Variants in CHD8 observed in about 807,000 individuals in gnomAD.
The protein encoded by CHD8 is ATP-dependent chromatin remodeler CHD8.
Under a neutral mutation model 279.2 loss-of-function variants are expected in CHD8, and 31 were observed. That is an observed-to-expected ratio of 0.11 (90% CI 0.08 to 0.15). The LOEUF (loss-of-function observed/expected upper bound fraction) is 0.15. CHD8 is among the 10% of genes least tolerant of loss of function. The pLI, the probability that CHD8 is intolerant of heterozygous loss-of-function variation, is 1.00. For missense variants in CHD8, 2,146 were observed against 3,230.5 expected (o/e 0.66, Z 8.14); for synonymous variants, 1,081 against 1,139.6 (o/e 0.95, Z 1.04).
At chr14:21,414,159 G>C in intron 9 of CHD8, 142 bp downstream of exon 9, 1 of 600,124 alleles carries the variant, frequency 1.7e-6, no homozygotes, top group Non-Finnish European at 3.0e-6. Flanking sequence ...GTTAAGTAAG[G>C]GAAGTCAATG....
chr14:21,419,807 CA>C, intron 5 of CHD8: 2 of 374,770 alleles, frequency 5.3e-6, no homozygotes, highest in Non-Finnish European at 1.1e-5. Flanking sequence ...CACCCATGAC[CA>C]AAACATCCCC....
Position 21,427,928 on chromosome 14 carries a change from C to T in CHD8, c.1542G>A (p.Glu514=), listed in dbSNP as rs1423867231. 6.2e-7 allele frequency: 1 copy of T among 1,614,074 alleles called. No individual in the cohort carries two copies. Among genetic ancestry groups the T allele is most frequent in the Admixed American group, 1.7e-5 (1 of 60,028 alleles). The change falls in exon 4 of 38, where the codon GAG becomes GAA. Residue 514 remains glutamate (E), a synonymous_variant. Coordinates refer to ENST00000646647, the MANE Select transcript of CHD8 (RefSeq NM_001170629.2). The part of the protein sequence containing the change: ...KKSAGERLKE[E]KPKKSKTSGA... ...CAGATGTTTTACTCTTCTTTGGCTT[C>T]TCCTCTTTCAGCCTCTCCCCAGCAC...
At position 21,426,251 on chromosome 14, in the gene CHD8, GA is replaced by G; in HGVS notation, c.1602-10del. ...CTACAGGAGTGATGGTGCTAAAAAG[GA>G]AAAACCAAATTCATTTTCAGTGAAA... is the stretch of plus-strand genomic sequence containing the variant. On this transcript the variant is annotated splice_polypyrimidine_tract_variant and intron_variant, in intron 4 of 37. Transcript: ENST00000646647. 1 of 1,431,100 alleles carries G rather than the reference GA, an allele frequency of 7.0e-7. No homozygotes were observed. Among genetic ancestry groups the G allele is most frequent in the Non-Finnish European group, 9.7e-7 (1 of 1,034,052 alleles). 88.7% of individuals were successfully genotyped at this position (1,431,100 alleles called of 1,614,324 possible).
chr14:21,390,213 G>T (rs1887463853), intron 37 of CHD8, among the ~76,000 whole-genome samples: 1 of 152,138 alleles, frequency 6.6e-6, no homozygotes, highest in South Asian at 2.1e-4. Context: ...TCCAGCTTGG[G>T]TGACAGAGTG....
In CHD8 at chr14:21,453,671, TTC is replaced by T. The variant is rs575256267; in HGVS notation, c.-216+2359_-216+2360del. On this transcript the variant is annotated intron_variant, in intron 1 of 37. Coordinates refer to ENST00000646647, the MANE Select transcript of CHD8 (RefSeq NM_001170629.2). ...TGGAGACTCGAGAGAAATGTTTGTC[TTC>T]TGTTTTCCTCCCAAGTATTAGGCTC... 2.9e-4 allele frequency among the ~76,000 whole-genome samples: 44 copies of T among 151,966 alleles called. 1 individual carries two copies. Among genetic ancestry groups the T allele is most frequent in the Admixed American group, 2.8e-3 (43 of 15,282 alleles).
chr14:21,387,808 GCAAAAA>G (rs1566406264), intron 37 of CHD8, among the ~76,000 whole-genome samples: 1 of 15,276 alleles, frequency 6.5e-5, no homozygotes, highest in Non-Finnish European at 1.3e-4. Context: ...TCTGTCTCAA[GCAAAAA>G]AAAAAAAAAA....
At position 21,408,225 on chromosome 14, in the gene CHD8, G is replaced by A. The variant is rs918318231; in HGVS notation, c.2730+87C>T. The stretch of plus-strand genomic sequence containing the variant: ...GGCATATTGAAGACTTTCAATAAAA[G>A]TCTTCTATTCATATATAGCCCTTAA... On this transcript the variant is annotated intron_variant, in intron 13 of 37. Transcript: ENST00000646647. This position sits in a 1 kb window ranked among gnomAD's most constrained non-coding sequence, Gnocchi z 4.3. 9 of 1,470,628 alleles carry A rather than the reference G, an allele frequency of 6.1e-6. No individual in the cohort carries two copies. The Admixed American group carries it at 8.0e-5, about 13-fold the overall frequency. The allele number at this position is 1,470,628 out of a possible 1,614,324, so 91.1% of individuals were successfully genotyped here.
rs898418482 is a variant in CHD8 at position 21,428,150 on chromosome 14, C to T, written c.1320G>A (p.Ser440=). The change falls in exon 4 of 38, where the codon TCG becomes TCA. Residue 440 remains serine (S), a synonymous_variant. Coordinates refer to ENST00000646647, the MANE Select transcript of CHD8 (RefSeq NM_001170629.2). ...LSSPASSAPH[S]GGKTGMEENR... ...TTTCCTCCATTCCTGTCTTTCCCCC[C>T]GAATGAGGAGCAGAGCTTGCTGGTG... 3 of 1,614,006 alleles carry T rather than the reference C, an allele frequency of 1.9e-6. No homozygotes were observed. The highest frequency in any genetic ancestry group is 3.3e-5 in the Admixed American group (2 of 60,020).
intron 1 of CHD8, among the ~76,000 whole-genome samples, chr14:21,454,476 C>A (rs975751311): frequency 1.3e-5 from 2 of 152,120 alleles, no homozygotes; most frequent in African/African-American, 4.8e-5. Context: ...CGTCACCATG[C>A]CCGGCTAATT....
rs577188697 is a variant in CHD8, at chr14:21,408,584, T to A, written c.2487-29A>T. The A allele has an allele frequency of 7.7e-5, 123 of 1,587,192 alleles. No individual in the cohort carries two copies. The highest frequency in any genetic ancestry group is 1.0e-4 in the Non-Finnish European group (122 of 1,167,030). ...CAGATTCACCATGGGAAAAAAAAAATGTTAAAAGATACTATCTTTAAAAAA... is the reference window on the plus strand; with the variant it reads ...CAGATTCACCATGGGAAAAAAAAAAAGTTAAAAGATACTATCTTTAAAAAA... On this transcript the variant is annotated intron_variant, in intron 12 of 37. Transcript: ENST00000646647. The surrounding 1 kb of genome is among the most constrained non-coding windows in gnomAD (Gnocchi z 4.3).
chr14:21,398,867 G>GA (rs1887907179), intron 26 of CHD8: 1 of 245,888 alleles, frequency 4.1e-6, no homozygotes, highest in African/African-American at 2.3e-5. Context: ...GGGACATGTA[G>GA]AAAAACAGAA....
At chr14:21,438,982 C>T (rs763327921) in intron 1 of CHD8, among the ~76,000 whole-genome samples, 9 of 151,986 alleles carry the variant, frequency 5.9e-5, no homozygotes, top group Non-Finnish European at 8.8e-5. Flanking sequence ...CAAAAACTAG[C>T]TGGGAGTGGT....
Position 21,386,002 on chromosome 14 carries a change from C to A in CHD8, c.7357G>T (p.Gly2453Cys), listed in dbSNP as rs1212438664. The change falls in exon 38 of 38, where the codon GGC becomes TGC. Residue 2453 changes from glycine to cysteine, a missense_variant. Gly to Cys is a radical substitution (Grantham distance 159). Around this residue, in one of 26 missense-constraint regions of CHD8, gnomAD observed 336 missense variants for 392.9 expected, o/e 0.86. Coordinates refer to ENST00000646647, the MANE Select transcript of CHD8 (RefSeq NM_001170629.2). ...LHNTFQHSSS[G>C]LQSVSSLGHS... is the part of the protein sequence containing the mutation. The stretch of plus-strand genomic sequence containing the variant: ...CCCAAAGATGACACAGACTGTAGGC[C>A]ACTACTGCTGTGTTGGAACGTGTTA... 4 of 1,589,380 alleles carry A rather than the reference C, an allele frequency of 2.5e-6. No homozygotes were observed. Among genetic ancestry groups the A allele is most frequent in the South Asian group, 1.2e-5 (1 of 86,844 alleles).
Position 21,386,187 on chromosome 14 carries a change from G to C in CHD8, c.7183-11C>G. 6.5e-7 allele frequency: 1 copy of C among 1,534,138 alleles called. No homozygotes were observed. Among genetic ancestry groups the C allele is most frequent in the Middle Eastern group, 1.7e-4 (1 of 5,882 alleles). On this transcript the variant is annotated splice_polypyrimidine_tract_variant and intron_variant, in intron 37 of 37. Transcript: ENST00000646647. ...TTCAGTGTGATGACCCTAGGAGGAG[G>C]GAATAGAAGATAATAAAAAGAAAGA... is the stretch of plus-strand genomic sequence containing the variant.
chr14:21,387,963 C>T (rs182668455), intron 37 of CHD8, among the ~76,000 whole-genome samples: 7 of 152,156 alleles, frequency 4.6e-5, no homozygotes, highest in Admixed American at 1.3e-4. Context: ...GCCCTTCTTA[C>T]AGGCTGCTCT....
At chr14:21,399,114 G>T in intron 26 of CHD8, 1 of 296,982 alleles carries the variant, frequency 3.4e-6, no homozygotes. Context: ...CATCCAGAAA[G>T]AGTCCACCCT....
At chr14:21,407,785 C>T (rs1017934152) in intron 13 of CHD8, among the ~76,000 whole-genome samples, 8 of 151,812 alleles carry the variant, frequency 5.3e-5, no homozygotes, top group African/African-American at 1.9e-4. Flanking sequence ...ATTTTTATAT[C>T]TTTAGTAGAG....
At chr14:21,411,311 C>A (rs112836252) in intron 10 of CHD8, among the ~76,000 whole-genome samples, 13 of 152,120 alleles carry the variant, frequency 8.5e-5, no homozygotes, top group Non-Finnish European at 1.8e-4. Flanking sequence ...AAGCAGAATA[C>A]GTTATGTGAA....
intron 1 of CHD8, among the ~76,000 whole-genome samples, chr14:21,444,728 T>C (rs1331465987): frequency 6.6e-6 from 1 of 152,224 alleles, no homozygotes; most frequent in Non-Finnish European, 1.5e-5. Context: ...TATTTGCTAC[T>C]TTTTTCCTAT....
Sources: gnomAD v4.1 joint callset for allele counts (sites outside exome capture counted in the v4.1 genomes callset) on GRCh38, gnomAD v4.1.1 for gene constraint, gnomAD v4.1.1 regional missense constraint, Gnocchi (gnomAD v3.1) non-coding constraint, MANE v1.5 for transcripts, NCBI Gene and HGNC (gene_info 2026-07-23, HGNC 2026-07-21) for gene names.